The following SLC60A2 variants were observed in gnomAD, a reference collection of about 807,000 sequenced individuals.
The protein encoded by SLC60A2 is solute carrier family 60 member 2, also known as major facilitator superfamily domain containing 4B.
At chr6:111,279,864 G>A in the SLC60A2 span, among the ~76,000 whole-genome samples, 115 of 152,160 alleles carry the variant, frequency 7.6e-4, no homozygotes, top group African/African-American at 2.5e-3. Context: ...ACCTTGAGCC[G>A]AGGAGTTCAA....
the SLC60A2 span, among the ~76,000 whole-genome samples, chr6:111,264,693 C>T: frequency 6.6e-6 from 1 of 150,524 alleles, no homozygotes; most frequent in Admixed American, 6.7e-5. Context: ...GAGGCTGAGG[C>T]AGGAGAATGG....
chr6:111,278,171 A>G, the SLC60A2 span: 1 of 152,236 alleles, frequency 6.6e-6, no homozygotes, highest in Non-Finnish European at 1.5e-5. Context: ...AAGTATTTGA[A>G]GGAAAAAATT....
chr6:111,260,691 C>T, the SLC60A2 span, among the ~76,000 whole-genome samples: 3 of 152,254 alleles, frequency 2.0e-5, no homozygotes, highest in Middle Eastern at 6.8e-3. Flanking sequence ...CACTTACCAT[C>T]TCAGGGACTC....
chr6:111,266,000 G>A, the SLC60A2 span: 89 of 1,614,038 alleles, frequency 5.5e-5, no homozygotes, highest in Non-Finnish European at 6.7e-5. Flanking sequence ...CTTTGGGTCC[G>A]ACAGCGTCTG....
At chr6:111,265,776 A>G in the SLC60A2 span, 4 of 890,266 alleles carry the variant, frequency 4.5e-6, no homozygotes, top group Non-Finnish European at 6.9e-6. Flanking sequence ...TGCTTGTGCT[A>G]TGTAAAATAG....
At chr6:111,279,625 G>A in the SLC60A2 span, among the ~76,000 whole-genome samples, 1 of 152,190 alleles carries the variant, frequency 6.6e-6, no homozygotes, top group African/African-American at 2.4e-5. Context: ...TTGGTCCAGT[G>A]CAGGAAATAT....
chr6:111,266,390 G>A, the SLC60A2 span: 1 of 1,614,146 alleles, frequency 6.2e-7, no homozygotes, highest in Non-Finnish European at 8.5e-7. Context: ...TCTTCTGGGG[G>A]ACATTTGCAG....
chr6:111,264,870 G>A, the SLC60A2 span, among the ~76,000 whole-genome samples: 1 of 151,670 alleles, frequency 6.6e-6, no homozygotes, highest in Non-Finnish European at 1.5e-5. Context: ...GTGTCGGGCA[G>A]ATCACCTGAG....
the SLC60A2 span, chr6:111,263,952 T>C: frequency 7.0e-7 from 1 of 1,434,986 alleles, no homozygotes; most frequent in South Asian, 1.2e-5. Context: ...TACAGGTTAG[T>C]GAGCTCTTCA....
chr6:111,274,085 G>C, the SLC60A2 span, among the ~76,000 whole-genome samples: 1 of 152,044 alleles, frequency 6.6e-6, no homozygotes, highest in South Asian at 2.1e-4. Context: ...CAAACTCCTG[G>C]GCTCAAGCAT....
the SLC60A2 span, among the ~76,000 whole-genome samples, chr6:111,272,203 A>G: frequency 3.3e-5 from 5 of 151,900 alleles, no homozygotes; most frequent in African/African-American, 1.2e-4. Flanking sequence ...GGGTTTTGCC[A>G]TGTTGGCCAG....
chr6:111,267,169 A>G, the SLC60A2 span: 1 of 1,514,000 alleles, frequency 6.6e-7, no homozygotes, highest in Non-Finnish European at 8.9e-7. Flanking sequence ...ACTTCTAAGG[A>G]CGCCATTCAG....
chr6:111,276,518 A>G, the SLC60A2 span, among the ~76,000 whole-genome samples: 2 of 152,234 alleles, frequency 1.3e-5, no homozygotes, highest in African/African-American at 4.8e-5. Context: ...ATGTTGGGCA[A>G]CTACCTCAAA....
chr6:111,270,659 G>A, the SLC60A2 span: 3 of 152,174 alleles, frequency 2.0e-5, no homozygotes, highest in African/African-American at 7.2e-5. Context: ...GGCTAACACG[G>A]TGAAACCCCA....
At chr6:111,265,487 G>C in the SLC60A2 span, 4 of 635,220 alleles carry the variant, frequency 6.3e-6, no homozygotes, top group African/African-American at 7.9e-5. Context: ...AGAAAGCTTT[G>C]GTAATTTGGC....
At chr6:111,267,915 A>T in the SLC60A2 span, 1 of 152,254 alleles carries the variant, frequency 6.6e-6, no homozygotes, top group Non-Finnish European at 1.5e-5. Flanking sequence ...TCTAATTTCA[A>T]TGAAGAGAAC....
chr6:111,273,856 G>A, the SLC60A2 span, among the ~76,000 whole-genome samples: 97 of 152,112 alleles, frequency 6.4e-4, no homozygotes, highest in Non-Finnish European at 1.2e-3. Context: ...CTTTTGAGTA[G>A]TTGGAACTAC....
At chr6:111,274,507 G>A in the SLC60A2 span, among the ~76,000 whole-genome samples, 12 of 152,020 alleles carry the variant, frequency 7.9e-5, no homozygotes, top group East Asian at 3.9e-4. Context: ...AATTTAATCC[G>A]TTTACATTCA....
chr6:111,261,374 G>A, the SLC60A2 span, among the ~76,000 whole-genome samples: 5 of 152,226 alleles, frequency 3.3e-5, no homozygotes, highest in Admixed American at 3.3e-4. Context: ...CTACAGTCTC[G>A]ACCTCAGGGC....
Sources: gnomAD v4.1 joint callset for allele counts (sites outside exome capture counted in the v4.1 genomes callset) on GRCh38, gnomAD v4.1.1 for gene constraint, MANE v1.5 for transcripts, NCBI Gene and HGNC (gene_info 2026-07-23, HGNC 2026-07-21) for gene names.